The following TANC2 variants were observed in gnomAD, a reference collection of about 807,000 sequenced individuals.
TANC2 encodes the protein tetratricopeptide repeat, ankyrin repeat and coiled-coil containing 2.
TANC2 carries 26 observed loss-of-function variants against 210.5 expected under a neutral mutation model. The ratio of observed to expected loss-of-function variants is 0.12; its 90% CI spans 0.09 to 0.17. TANC2 has a LOEUF of 0.17. TANC2 is among the 10% of genes least tolerant of loss of function. TANC2 has a pLI of 1.00. For synonymous variants in TANC2, 931 were observed against 967.1 expected (o/e 0.96, Z 0.69); for missense variants, 2,129 against 2,608.9 (o/e 0.82, Z 4.01).
intron 7 of TANC2, among the ~76,000 whole-genome samples, chr17:63,204,126 A>C (rs1598600614): frequency 6.8e-6 from 1 of 146,252 alleles, no homozygotes; most frequent in East Asian, 1.9e-4. Context: ...AGTAAATAAA[A>C]ATATTTTTAC....
chr17:63,060,281 T>C (rs2035948356), intron 2 of TANC2, among the ~76,000 whole-genome samples: 2 of 152,252 alleles, frequency 1.3e-5, no homozygotes, highest in South Asian at 2.1e-4. Context: ...TGTACATGTA[T>C]TGTCAGATCA....
intron 11 of TANC2, among the ~76,000 whole-genome samples, chr17:63,323,248 G>A (rs2045551423): frequency 6.6e-6 from 1 of 152,122 alleles, no homozygotes; most frequent in African/African-American, 2.4e-5. Flanking sequence ...CATATTCTTG[G>A]TGTCATTTCT....
At position 63,395,661 on chromosome 17, in the gene TANC2, C is replaced by T. The variant is rs1306763535; in HGVS notation, c.3052-82C>T. ...AAAGGATGATTCTTAGTAGCCTAGG[C>T]TTGTGCAGTGGCGGATGTGACTAGA... is the stretch of plus-strand genomic sequence containing the variant. On this transcript the variant is annotated intron_variant, in intron 17 of 27. Transcript: ENST00000689528. The T allele has an allele frequency of 3.9e-6, 5 of 1,294,998 alleles. No individual in the cohort carries two copies. The Admixed American group carries it at 7.8e-5, about 20-fold the overall frequency. The allele number at this position is 1,294,998 out of a possible 1,614,324, so 80.2% of individuals were successfully genotyped here.
chr17:63,304,459 C>G (rs1229539647), intron 9 of TANC2, among the ~76,000 whole-genome samples: 2 of 152,160 alleles, frequency 1.3e-5, no homozygotes, highest in African/African-American at 4.8e-5. Flanking sequence ...CTTGCTCCTT[C>G]CTCTGGGATC....
chr17:62,968,934 T>C (rs1475826146), intron 1 of TANC2, among the ~76,000 whole-genome samples: 1 of 152,174 alleles, frequency 6.6e-6, no homozygotes, highest in Non-Finnish European at 1.5e-5. Flanking sequence ...TCTTCCCTTA[T>C]TGTATGCAGG....
intron 4 of TANC2, among the ~76,000 whole-genome samples, chr17:63,131,987 A>G (rs996932060): frequency 6.6e-6 from 1 of 152,244 alleles, no homozygotes; most frequent in East Asian, 1.9e-4. Flanking sequence ...ATTGGAGTGC[A>G]TACATTCAGC....
intron 4 of TANC2, among the ~76,000 whole-genome samples, chr17:63,141,516 A>G (rs571987739): frequency 4.7e-5 from 7 of 150,456 alleles, no homozygotes; most frequent in Admixed American, 2.0e-4. Context: ...CAGTGAGCCT[A>G]GATTGTGCCA....
chr17:63,149,164 C>G (rs2039561809), intron 4 of TANC2: 1 of 151,200 alleles, frequency 6.6e-6, no homozygotes, highest in Non-Finnish European at 1.5e-5. Context: ...TAAAATAACT[C>G]TCTTTGCTGG....
intron 2 of TANC2, among the ~76,000 whole-genome samples, chr17:63,073,691 A>C (rs1450166967): frequency 2.6e-5 from 4 of 152,160 alleles, no homozygotes; most frequent in Non-Finnish European, 5.9e-5. Flanking sequence ...TGCAAAGTAG[A>C]GTATATACAT....
chr17:63,408,415 C>T (rs1278931032), intron 21 of TANC2, among the ~76,000 whole-genome samples: 19 of 152,160 alleles, frequency 1.2e-4, no homozygotes, highest in Non-Finnish European at 4.4e-5. Flanking sequence ...ATGTGTATCT[C>T]CTTTTAATTT....
In TANC2 at chr17:63,301,924, A is replaced by G. The variant is rs370994949; in HGVS notation, c.1160-12464A>G. Among the ~76,000 whole-genome samples the G allele has an allele frequency of 1.6e-4, 25 of 152,276 alleles. 1 individual carries two copies. In the South Asian group the frequency reaches 5.2e-3, roughly 32 times the overall value. ...TCTGATGTGGGCATTTAGTGCTATA[A>G]ATTTCCCTCTTAACACTGCTTTTGC... is the stretch of plus-strand genomic sequence containing the variant. On this transcript the variant is annotated intron_variant, in intron 9 of 27. Transcript: ENST00000689528.
At chr17:63,188,185 A>T (rs1354537756) in intron 5 of TANC2, among the ~76,000 whole-genome samples, 1 of 152,080 alleles carries the variant, frequency 6.6e-6, no homozygotes, top group African/African-American at 2.4e-5. Context: ...GGCCAGGGTG[A>T]CATGCACCTG....
chr17:63,074,838 T>C (rs1437767059), intron 3 of TANC2, among the ~76,000 whole-genome samples: 7 of 152,150 alleles, frequency 4.6e-5, no homozygotes, highest in Non-Finnish European at 1.0e-4. Flanking sequence ...CAGACAATCA[T>C]TTATTGAGTT....
chr17:63,185,618 C>T (rs2040954962), intron 5 of TANC2, among the ~76,000 whole-genome samples: 1 of 152,150 alleles, frequency 6.6e-6, no homozygotes, highest in South Asian at 2.1e-4. Context: ...AGTTTACATT[C>T]CCATCAGCAC....
intron 8 of TANC2, among the ~76,000 whole-genome samples, chr17:63,238,344 T>C (rs1004094587): frequency 6.6e-6 from 1 of 152,170 alleles, no homozygotes; most frequent in African/African-American, 2.4e-5. Context: ...CTATAAAATA[T>C]ATCATCAAAC....
chr17:63,411,933 C>T (rs2048715766), intron 22 of TANC2, 65 bp from the exon 23 acceptor site: 22 of 1,585,798 alleles, frequency 1.4e-5, no homozygotes, highest in Non-Finnish European at 1.9e-5. Flanking sequence ...GCAGCCAGAG[C>T]CCTCGGTGGA....
rs527582967 is a variant in TANC2, at chr17:63,186,027, T to C, written c.434-7964T>C. On this transcript the variant is annotated intron_variant, in intron 5 of 27. Coordinates refer to ENST00000689528, the Ensembl canonical transcript of TANC2. ...ATAAAGTTACACTAAAAGGTCGTTT[T>C]CCAGAAGACTTATTGCTTCACTTTT... 5.3e-5 allele frequency among the ~76,000 whole-genome samples: 8 copies of C among 152,340 alleles called. No homozygotes were observed. The South Asian group carries it at 1.7e-3, about 32-fold the overall frequency.
At chr17:63,411,857 T>C in intron 22 of TANC2, 141 bp from the exon 23 acceptor site, 3 of 1,417,992 alleles carry the variant, frequency 2.1e-6, no homozygotes, top group Non-Finnish European at 2.9e-6. Context: ...ATCAAGGATA[T>C]AGCTAAGGCC....
intron 1 of TANC2, among the ~76,000 whole-genome samples, chr17:63,000,287 A>G (rs750749780): frequency 7.2e-5 from 11 of 152,270 alleles, no homozygotes; most frequent in African/African-American, 1.9e-4. Flanking sequence ...ATGATCATCA[A>G]AATAGTACAG....
Sources: gnomAD v4.1 joint callset for allele counts (sites outside exome capture counted in the v4.1 genomes callset) on GRCh38, gnomAD v4.1.1 for gene constraint, MANE v1.5 for transcripts, NCBI Gene and HGNC (gene_info 2026-07-23, HGNC 2026-07-21) for gene names.